The following SOBP variants were observed in gnomAD, a reference collection of about 807,000 sequenced individuals.
The protein encoded by SOBP is sine oculis binding protein homolog.
In SOBP, 4 loss-of-function variants were observed where a neutral mutation model predicts 53.6. The observed-to-expected ratio is 0.07, with a 90% CI of 0.04 to 0.17. SOBP has a LOEUF of 0.17. Ranked by LOEUF, SOBP falls within the 10% of genes least tolerant of loss-of-function variation. The pLI is 1.00. For missense variants in SOBP, 1,088 were observed against 1,204.7 expected (o/e 0.90, Z 1.43); for synonymous variants, 584 against 522.6 (o/e 1.12, Z -1.60).
At chr6:107,552,648 G>A (rs772547619) in intron 4 of SOBP, among the ~76,000 whole-genome samples, 3 of 152,210 alleles carry the variant, frequency 2.0e-5, no homozygotes, top group Non-Finnish European at 4.4e-5. Context: ...GTTCCACATA[G>A]CTGTGTTGTT....
At position 107,654,974 on chromosome 6, in the gene SOBP, T is replaced by C. The variant is rs535918720; in HGVS notation, c.*4-3233T>C. ...GAGGGAGGGTGACTGAGGAACATAG[T>C]AGAAGAATCGAGGCTCTGGGGGAGG... is the stretch of plus-strand genomic sequence containing the variant. On this transcript the variant is annotated intron_variant, in intron 6 of 6. Coordinates refer to ENST00000317357, the MANE Select transcript of SOBP (RefSeq NM_018013.4). Among the ~76,000 whole-genome samples, 8 of 151,046 alleles carry C rather than the reference T, an allele frequency of 5.3e-5. No homozygotes were observed. In the East Asian group the frequency reaches 1.4e-3, roughly 26 times the overall value.
At chr6:107,544,860 T>C (rs143434260) in intron 4 of SOBP, among the ~76,000 whole-genome samples, 29 of 152,376 alleles carry the variant, frequency 1.9e-4, no homozygotes, top group African/African-American at 6.5e-4. Flanking sequence ...ATTAGTTGCT[T>C]GCCTGCTGGC....
At chr6:107,578,941 A>T (rs1187530288) in intron 4 of SOBP, among the ~76,000 whole-genome samples, 1 of 152,178 alleles carries the variant, frequency 6.6e-6, no homozygotes, top group Non-Finnish European at 1.5e-5. Context: ...TGAGATCTGC[A>T]TATAATCATA....
At chr6:107,510,478 T>C (rs1354501958) in intron 3 of SOBP, 1 of 152,234 alleles carries the variant, frequency 6.6e-6, no homozygotes, top group African/African-American at 2.4e-5. Context: ...ATGACTGATA[T>C]TCAAATCTTA....
chr6:107,649,326 C>T (rs846969), intron 6 of SOBP, among the ~76,000 whole-genome samples: 14,856 of 151,734 alleles, frequency 0.098, 2,006 homozygotes, highest in African/African-American at 0.3. Flanking sequence ...TACAAAAAAT[C>T]AGAAAAAAAT....
intron 6 of SOBP, among the ~76,000 whole-genome samples, chr6:107,656,290 AG>A (rs1238505545): frequency 1.9e-4 from 3 of 16,024 alleles, no homozygotes; most frequent in African/African-American, 1.7e-3. Context: ...AAGAAAGAAA[AG>A]AAAGAAAGAA....
chr6:107,516,192 TG>T (rs1353916432), intron 3 of SOBP, among the ~76,000 whole-genome samples: 1 of 152,182 alleles, frequency 6.6e-6, no homozygotes, highest in Non-Finnish European at 1.5e-5. Flanking sequence ...CCAGGCACAA[TG>T]GCTCATGCTT....
At chr6:107,578,961 C>T (rs1471286228) in intron 4 of SOBP, among the ~76,000 whole-genome samples, 1 of 152,134 alleles carries the variant, frequency 6.6e-6, no homozygotes. Flanking sequence ...ATGAGCCCAA[C>T]CCCCTTCTGC....
chr6:107,562,668 G>A (rs1784805478), intron 4 of SOBP, among the ~76,000 whole-genome samples: 1 of 152,208 alleles, frequency 6.6e-6, no homozygotes, highest in African/African-American at 2.4e-5. Flanking sequence ...AGGTGACAAA[G>A]TATGACTGAG....
intron 4 of SOBP, among the ~76,000 whole-genome samples, chr6:107,546,081 T>A (rs531270035): frequency 1.3e-3 from 195 of 152,284 alleles, no homozygotes; most frequent in Non-Finnish European, 2.2e-3. Context: ...CTCAGGAAAT[T>A]TGGAAGACGT....
chr6:107,593,205 ACT>A (rs1785822056), intron 5 of SOBP, among the ~76,000 whole-genome samples: 1 of 151,904 alleles, frequency 6.6e-6, no homozygotes, highest in Non-Finnish European at 1.5e-5. Context: ...GTGCATGCAA[ACT>A]CTATTTTACC....
intron 4 of SOBP, among the ~76,000 whole-genome samples, chr6:107,549,803 A>G (rs1196151029): frequency 1.3e-5 from 2 of 152,134 alleles, no homozygotes; most frequent in African/African-American, 2.4e-5. Flanking sequence ...CTTTCTCCCT[A>G]TGTGTGTAGG....
chr6:107,570,486 G>C (rs563505463), intron 4 of SOBP, among the ~76,000 whole-genome samples: 5 of 152,172 alleles, frequency 3.3e-5, no homozygotes, highest in Admixed American at 2.6e-4. Context: ...CAGTATTTTT[G>C]ATTCAAAAGT....
At chr6:107,618,827 G>A (rs753244146) in intron 5 of SOBP, among the ~76,000 whole-genome samples, 2 of 152,188 alleles carry the variant, frequency 1.3e-5, no homozygotes, top group Non-Finnish European at 2.9e-5. Context: ...CATAGGTACT[G>A]GTATTCATGA....
intron 3 of SOBP, among the ~76,000 whole-genome samples, chr6:107,512,911 A>G (rs1783212425): frequency 6.6e-6 from 1 of 152,220 alleles, no homozygotes; most frequent in African/African-American, 2.4e-5. Context: ...CAACTTGCCT[A>G]TTCCAAGTCC....
intron 1 of SOBP, among the ~76,000 whole-genome samples, chr6:107,492,843 C>T (rs1005528209): frequency 2.0e-5 from 3 of 152,122 alleles, no homozygotes; most frequent in African/African-American, 7.2e-5. Context: ...TCTGTAGGAT[C>T]AGTGTTTTCT....
At chr6:107,657,787 G>A (rs1772128925) in intron 6 of SOBP, among the ~76,000 whole-genome samples, 1 of 151,494 alleles carries the variant, frequency 6.6e-6, no homozygotes, top group Non-Finnish European at 1.5e-5. Context: ...AGATTGCAGT[G>A]AGCCAGTTGC....
chr6:107,622,251 G>C (rs1035589264), intron 5 of SOBP, among the ~76,000 whole-genome samples: 1 of 152,216 alleles, frequency 6.6e-6, no homozygotes, highest in Non-Finnish European at 1.5e-5. Flanking sequence ...TGCAGAGTGG[G>C]CAGCATGTGG....
intron 4 of SOBP, among the ~76,000 whole-genome samples, chr6:107,584,253 TAAA>T (rs35618286): frequency 8.5e-5 from 10 of 117,554 alleles, no homozygotes; most frequent in Admixed American, 2.6e-4. Flanking sequence ...ACCAATATGT[TAAA>T]AAAAAAAAAA....
Sources: gnomAD v4.1 joint callset for allele counts (sites outside exome capture counted in the v4.1 genomes callset) on GRCh38, gnomAD v4.1.1 for gene constraint, MANE v1.5 for transcripts, NCBI Gene and HGNC (gene_info 2026-07-23, HGNC 2026-07-21) for gene names.